Variants in PRDM2 observed in about 807,000 individuals in gnomAD.
PRDM2 encodes the protein PR/SET domain 2, also known as PR domain zinc finger protein 2.
In PRDM2, 30 loss-of-function variants were observed where a neutral mutation model predicts 130.0. That is an observed-to-expected ratio of 0.23 (90% CI 0.17 to 0.31). The LOEUF (loss-of-function observed/expected upper bound fraction) is 0.31, where lower values mean the gene tolerates loss of function less well. Among genes scored for constraint, PRDM2 ranks in the 10% least tolerant of loss-of-function variants. PRDM2 has a pLI of 1.00. For synonymous variants in PRDM2, 871 were observed against 782.4 expected (o/e 1.11, Z -1.89); for missense variants, 2,011 against 2,108.4 (o/e 0.95, Z 0.90).
chr1:13,814,626 G>T (rs544591415), intron 8 of PRDM2, among the ~76,000 whole-genome samples: 1 of 152,204 alleles, frequency 6.6e-6, no homozygotes, highest in Non-Finnish European at 1.5e-5. Context: ...CCTTCCAGAT[G>T]CCGGTAGCAG....
intron 8 of PRDM2, among the ~76,000 whole-genome samples, chr1:13,799,593 CCCA>C (rs1233614831): frequency 6.6e-6 from 1 of 152,184 alleles, no homozygotes; most frequent in African/African-American, 2.4e-5. Context: ...GTTTGAGCGA[CCCA>C]CCAATATTAA....
At position 13,781,293 on chromosome 1, in the gene PRDM2, T is replaced by C. The variant is rs771337650; in HGVS notation, c.3498T>C (p.Phe1166=). 3 of 1,614,148 alleles carry C rather than the reference T, an allele frequency of 1.9e-6. No individual in the cohort carries two copies. The East Asian group carries it at 6.7e-5, about 36-fold the overall frequency. The change falls in exon 8 of 10, where the codon TTT becomes TTC. Residue 1166 remains phenylalanine, a synonymous_variant. Transcript: ENST00000311066. This position sits in a 1 kb window ranked among gnomAD's most constrained non-coding sequence, Gnocchi z 6.1. ...HAEEWPFKCE[F]CVQLFKDKTD... The stretch of plus-strand genomic sequence containing the variant: ...AAGAATGGCCCTTCAAATGTGAATT[T>C]TGTGTGCAGCTTTTTAAGGATAAAA...
At chr1:13,817,049 A>G (rs1158463179) in intron 9 of PRDM2, among the ~76,000 whole-genome samples, 1 of 152,232 alleles carries the variant, frequency 6.6e-6, no homozygotes, top group Non-Finnish European at 1.5e-5. Context: ...CTATTCTCAC[A>G]ATGTTTTTGA....
chr1:13,742,265 A>G (rs1295140813), intron 5 of PRDM2, 108 bp downstream of exon 5: 4 of 1,262,808 alleles, frequency 3.2e-6, no homozygotes, highest in South Asian at 2.8e-5. Context: ...CAGGGGCTCC[A>G]TCACGGCTCA....
At chr1:13,708,906 T>G (rs1642288090) in intron 1 of PRDM2, among the ~76,000 whole-genome samples, 1 of 152,254 alleles carries the variant, frequency 6.6e-6, no homozygotes, top group African/African-American at 2.4e-5. Flanking sequence ...ATTCTTAACG[T>G]ATCAGGTTTG....
Position 13,781,127 on chromosome 1 carries a change from A to T in PRDM2, c.3332A>T (p.Lys1111Ile). ...KQEELENEGL[K>I]PREEPQSAAE... Reference sequence around the variant, plus strand: ...GAGGAATTAGAGAATGAAGGTCTGAAACCCAGGGAAGAGCCCCAGTCTGCT... The same window carrying T: ...GAGGAATTAGAGAATGAAGGTCTGATACCCAGGGAAGAGCCCCAGTCTGCT... The change falls in exon 8 of 10, where the codon AAA becomes ATA. Residue 1111 changes from lysine (K) to isoleucine (I), a missense_variant. Around this residue, in one of 5 missense-constraint regions of PRDM2, gnomAD observed 229 missense variants for 364.1 expected, o/e 0.63. Coordinates refer to ENST00000311066, the MANE Select transcript of PRDM2 (RefSeq NM_001393986.1). This position sits in a 1 kb window ranked among gnomAD's most constrained non-coding sequence, Gnocchi z 6.1. The T allele has an allele frequency of 6.2e-7, 1 of 1,614,162 alleles. No homozygotes were observed. Among genetic ancestry groups the T allele is most frequent in the Non-Finnish European group, 8.5e-7 (1 of 1,180,016 alleles).
chr1:13,732,966 A>G (rs1020628918), intron 4 of PRDM2, 84 bp downstream of exon 4: 11 of 987,562 alleles, frequency 1.1e-5, no homozygotes, highest in African/African-American at 1.7e-5. Context: ...TTTTGAATTT[A>G]AAACAATCAT....
intron 6 of PRDM2, among the ~76,000 whole-genome samples, chr1:13,750,873 A>T (rs1350877538): frequency 6.6e-6 from 1 of 152,042 alleles, no homozygotes; most frequent in Admixed American, 6.5e-5. Context: ...ATGTAATTCA[A>T]CTTGTTTCTT....
chr1:13,782,081 T>A lies in PRDM2; in HGVS notation c.4286T>A (p.Val1429Glu). 6.2e-7 allele frequency: 1 copy of A among 1,614,024 alleles called. No homozygotes were observed. The highest frequency in any genetic ancestry group is 2.2e-5 in the East Asian group (1 of 44,870). The change falls in exon 8 of 10, where the codon GTA becomes GAA. Residue 1429 changes from valine (V) to glutamate (E), a missense_variant. By Grantham distance (121) the Val-to-Glu change is moderately radical. This residue lies in a region of PRDM2 where 410 missense variants were observed against 395.9 expected (regional missense o/e 1.04). Transcript: ENST00000311066. The part of the protein sequence containing the change: ...LNALKKKNQL[V>E]QKAILQKNKS... ...GCATTGAAGAAAAAAAATCAGCTAG[T>A]ACAGAAAGCAATTCTTCAGAAAAAC...
At chr1:13,719,647 A>C (rs1374308521) in intron 2 of PRDM2, among the ~76,000 whole-genome samples, 1 of 152,158 alleles carries the variant, frequency 6.6e-6, no homozygotes, top group Admixed American at 6.5e-5. Context: ...TTCAGAACTA[A>C]TTTGACTCCT....
In PRDM2 at chr1:13,780,569, C is replaced by T. The variant is rs1204221726; in HGVS notation, c.2774C>T (p.Pro925Leu). ...PCKSLEAQPD[P>L]DLGPGSGFPA... ...AAATCCCTAGAAGCTCAGCCAGATC[C>T]TGACCTCGGTCCGGGCTCTGGTTTC... is the stretch of plus-strand genomic sequence containing the variant. The change falls in exon 8 of 10, where the codon CCT becomes CTT. Residue 925 changes from proline to leucine, a missense_variant. By Grantham distance (98) the Pro-to-Leu change is moderately conservative. Coordinates refer to ENST00000311066, the MANE Select transcript of PRDM2 (RefSeq NM_001393986.1). The T allele has an allele frequency of 6.2e-7, 1 of 1,614,052 alleles. No individual in the cohort carries two copies. Among genetic ancestry groups the T allele is most frequent in the South Asian group, 1.1e-5 (1 of 91,088 alleles).
intron 7 of PRDM2, among the ~76,000 whole-genome samples, chr1:13,777,700 G>A (rs983740521): frequency 8.9e-6 from 1 of 112,250 alleles, no homozygotes; most frequent in African/African-American, 3.6e-5. Context: ...CACCTTCTAA[G>A]CAAGTCCTTC....
At chr1:13,773,237 G>A in intron 7 of PRDM2, 49 bp downstream of exon 7, 4 of 1,093,666 alleles carry the variant, frequency 3.7e-6, no homozygotes, top group Non-Finnish European at 3.8e-6. Context: ...TATGTACCCA[G>A]TGAATTTAAC....
At chr1:13,816,339 G>A (rs2100767665) in intron 8 of PRDM2, 88 bp from the exon 9 acceptor site, 1 of 1,518,790 alleles carries the variant, frequency 6.6e-7, no homozygotes, top group Non-Finnish European at 9.0e-7. Flanking sequence ...GGGAAGTGGT[G>A]ACCAGCACTA....
intron 6 of PRDM2, among the ~76,000 whole-genome samples, chr1:13,767,022 T>C (rs916869409): frequency 1.3e-5 from 2 of 152,222 alleles, no homozygotes; most frequent in African/African-American, 2.4e-5. Flanking sequence ...TGTGACGCTT[T>C]AGGCAATTTT....
At chr1:13,814,821 G>C (rs1189904438) in intron 8 of PRDM2, among the ~76,000 whole-genome samples, 1 of 152,218 alleles carries the variant, frequency 6.6e-6, no homozygotes, top group African/African-American at 2.4e-5. Flanking sequence ...TTCCGGGCGT[G>C]TTTGTCCCTC....
chr1:13,797,754 C>T (rs1644944810), intron 8 of PRDM2, among the ~76,000 whole-genome samples: 1 of 152,228 alleles, frequency 6.6e-6, no homozygotes, highest in Non-Finnish European at 1.5e-5. Context: ...TTAAAAGTTT[C>T]AGACCTACTA....
chr1:13,804,431 G>A (rs939538806), intron 8 of PRDM2, among the ~76,000 whole-genome samples: 6 of 152,178 alleles, frequency 3.9e-5, no homozygotes, highest in Admixed American at 2.0e-4. Context: ...GGCCACTGCA[G>A]CCTAGCATGC....
intron 9 of PRDM2, among the ~76,000 whole-genome samples, chr1:13,822,276 C>T (rs1047393431): frequency 2.0e-5 from 3 of 152,166 alleles, no homozygotes; most frequent in Non-Finnish European, 2.9e-5. Flanking sequence ...TTGCACCATA[C>T]GTGTCCTCTA....
Sources: gnomAD v4.1 joint callset for allele counts (sites outside exome capture counted in the v4.1 genomes callset) on GRCh38, gnomAD v4.1.1 for gene constraint, gnomAD v4.1.1 regional missense constraint, Gnocchi (gnomAD v3.1) non-coding constraint, MANE v1.5 for transcripts, NCBI Gene and HGNC (gene_info 2026-07-23, HGNC 2026-07-21) for gene names.